SNCG: variants seen among roughly 807,000 people sequenced by gnomAD.
SNCG encodes the protein synuclein gamma.
In SNCG, 13 loss-of-function variants were observed where a neutral mutation model predicts 16.0. The ratio of observed to expected loss-of-function variants is 0.81; its 90% CI spans 0.53 to 1.29. The LOEUF (loss-of-function observed/expected upper bound fraction) is 1.29, where lower values mean the gene tolerates loss of function less well. Among genes scored for constraint, SNCG ranks in the 50% most tolerant of loss-of-function variants. SNCG has a pLI of 0.00. For synonymous variants in SNCG, 66 were observed against 66.3 expected, an observed-to-expected ratio of 1.00 and a Z score of 0.02; for missense variants, 154 against 168.5, an observed-to-expected ratio of 0.91 and a Z score of 0.48.
chr10:86,960,094 AG>A lies in SNCG; in HGVS notation c.258del (p.Asn87ThrfsTer14), dbSNP rs1844314998. 6.2e-7 allele frequency: 1 copy of A among 1,612,998 alleles called. No individual in the cohort carries two copies. The highest frequency in any genetic ancestry group is 1.1e-5 in the South Asian group (1 of 90,976). ...TVATKTVEEA[E>X]NIAVTSGVVR... The stretch of plus-strand genomic sequence containing the variant: ...GCCACCAAGACCGTGGAGGAGGCGG[AG>A]AACATCGCGGTCACCTCCGGGGTGG... On this transcript the variant is annotated frameshift_variant, in exon 3 of 5. Coordinates refer to ENST00000372017, the MANE Select transcript of SNCG (RefSeq NM_003087.3). LOFTEE classifies it high-confidence loss of function.
rs367577549 is a variant in SNCG at position 86,962,588 on chromosome 10, C to A, written c.292-16C>A. The A allele has an allele frequency of 5.0e-6, 8 of 1,602,006 alleles. No homozygotes were observed. Among genetic ancestry groups the A allele is most frequent in the Non-Finnish European group, 6.8e-6 (8 of 1,171,212 alleles). ...CATTCTCCACATGGTCTCATGCCCC[C>A]TTTTGTCCCCTACAGGAGGACTTGA... On this transcript the variant is annotated splice_polypyrimidine_tract_variant and intron_variant, in intron 3 of 4. Coordinates refer to ENST00000372017, the MANE Select transcript of SNCG (RefSeq NM_003087.3).
upstream of SNCG, chr10:86,958,359 G>T: frequency 1.0e-6 from 1 of 985,432 alleles, no homozygotes; most frequent in Non-Finnish European, 1.2e-6. Context: ...GTAAATGAAT[G>T]AGGGACAGGT....
At chr10:86,957,385 C>T (rs200500870), upstream of SNCG, 12 of 1,613,038 alleles carry the variant, frequency 7.4e-6, no homozygotes, top group East Asian at 2.2e-5. Context: ...TACCGTCCTA[C>T]GGGGTCCTTG....
Position 86,963,230 on chromosome 10 carries a change from G to T in SNCG, c.*245G>T, listed in dbSNP as rs1844388418. On this transcript the variant is annotated 3_prime_UTR_variant, in exon 5 of 5. Transcript: ENST00000372017. ...GCTGCTGTGAATTTTTTTTTTAAAT[G>T]ATTCCAAATAAAACTTGAGCCCACT... 2.4e-6 allele frequency: 1 copy of T among 422,056 alleles called. No individual in the cohort carries two copies. The highest frequency in any genetic ancestry group is 4.1e-6 in the Non-Finnish European group (1 of 241,384). 26.1% of individuals were successfully genotyped at this position (422,056 alleles called of 1,614,324 possible). A position where few individuals can be genotyped will look rare whatever the true frequency, so the allele number is the denominator to read the frequency against.
At chr10:86,957,179 G>A (rs1844248824), upstream of SNCG, among the ~76,000 whole-genome samples, 1 of 152,338 alleles carries the variant, frequency 6.6e-6, no homozygotes, top group South Asian at 2.1e-4. Context: ...GCTCCGACAG[G>A]GAACTCCCTG....
intron 3 of SNCG, among the ~76,000 whole-genome samples, chr10:86,961,416 G>C (rs1464589358): frequency 6.6e-6 from 1 of 152,064 alleles, no homozygotes; most frequent in East Asian, 1.9e-4. Flanking sequence ...CCTGGTCTAT[G>C]TGAGCACCCA....
chr10:86,962,966 C>T lies in SNCG; in HGVS notation c.365C>T (p.Ala122Val). The change falls in exon 5 of 5, where the codon GCC becomes GTC. Residue 122 changes from alanine (A) to valine (V), a missense_variant and splice_region_variant. Transcript: ENST00000372017. ...TGTGCAGGTCATTCTCTCTCCCAGG[C>T]CCAGAGTGGGGGAGACTAGAGGGCT... is the stretch of plus-strand genomic sequence containing the variant. ...SKEKEEVAEE[A>V]QSGGD The T allele has an allele frequency of 6.2e-7, 1 of 1,603,204 alleles. No individual in the cohort carries two copies. Among genetic ancestry groups the T allele is most frequent in the Non-Finnish European group, 8.5e-7 (1 of 1,175,918 alleles).
rs779800178 is a variant in SNCG at position 86,962,661 on chromosome 10, G to C, written c.349G>C (p.Glu117Gln). The change falls in exon 4 of 5, where the codon GAA becomes CAA. Residue 117 changes from glutamate (E) to glutamine (Q), a missense_variant. Coordinates refer to ENST00000372017, the MANE Select transcript of SNCG (RefSeq NM_003087.3). ...QEGEASKEKE[E>Q]VAEEAQSGGD is the part of the protein sequence containing the mutation. Reference sequence around the variant, plus strand: ...GGGTGAGGCATCCAAAGAGAAAGAGGAAGTGGCAGAGGAGGTAGGAGCTGG... The same window carrying C: ...GGGTGAGGCATCCAAAGAGAAAGAGCAAGTGGCAGAGGAGGTAGGAGCTGG... The C allele has an allele frequency of 1.5e-5, 24 of 1,612,452 alleles. No homozygotes were observed. Among genetic ancestry groups the C allele is most frequent in the African/African-American group, 4.0e-5 (3 of 74,884 alleles).
rs541289650 is a variant in SNCG at position 86,962,996 on chromosome 10, G to A, written c.*11G>A. 28 of 1,602,324 alleles carry A rather than the reference G, an allele frequency of 1.7e-5. No homozygotes were observed. The highest frequency in any genetic ancestry group is 2.2e-5 in the Non-Finnish European group (26 of 1,175,416). On this transcript the variant is annotated 3_prime_UTR_variant, in exon 5 of 5. Coordinates refer to ENST00000372017, the MANE Select transcript of SNCG (RefSeq NM_003087.3). ...AGTGGGGGAGACTAGAGGGCTACAG[G>A]CCAGCGTGGATGACCTGAAGAGCGC... is the stretch of plus-strand genomic sequence containing the variant.
chr10:86,957,547 T>C, upstream of SNCG: 2 of 1,604,510 alleles, frequency 1.2e-6, no homozygotes, highest in Non-Finnish European at 1.7e-6. Flanking sequence ...ATCATCTTGG[T>C]GGTGGGGCAG....
upstream of SNCG, chr10:86,957,691 G>A: frequency 7.5e-7 from 1 of 1,328,680 alleles, no homozygotes; most frequent in Middle Eastern, 2.5e-4. Flanking sequence ...CCTACCCGGT[G>A]GGTCTTGTCC....
chr10:86,957,518 G>A (rs927109567), upstream of SNCG: 23 of 1,612,076 alleles, frequency 1.4e-5, no homozygotes, highest in Non-Finnish European at 1.9e-5. Flanking sequence ...GGCCCCCAAG[G>A]CTGAACAGCA....
rs1033064454 is a variant in SNCG at position 86,959,227 on chromosome 10, G to A, written c.122-406G>A. The A allele has an allele frequency of 5.7e-6, 2 of 348,932 alleles. No individual in the cohort carries two copies. The highest frequency in any genetic ancestry group is 4.3e-5 in the African/African-American group (2 of 46,828). 21.6% of individuals were successfully genotyped at this position (348,932 alleles called of 1,614,324 possible). ...CTCCCCAGAGAGAAGGGGCAGGCTG[G>A]GGGATGAAACCTAGGCTCAGTGTTC... is the stretch of plus-strand genomic sequence containing the variant. On this transcript the variant is annotated intron_variant, in intron 1 of 4. Transcript: ENST00000372017. This position sits in a 1 kb window ranked among gnomAD's most constrained non-coding sequence, Gnocchi z 4.3.
chr10:86,955,939 C>T (rs1249605145), upstream of SNCG, among the ~76,000 whole-genome samples: 1 of 152,178 alleles, frequency 6.6e-6, no homozygotes, highest in Non-Finnish European at 1.5e-5. Context: ...CCCAAACCCT[C>T]ACTCCTTGGG....
upstream of SNCG, chr10:86,957,681 C>CCTACCCGGT (rs1327462890): frequency 1.9e-5 from 26 of 1,349,484 alleles, no homozygotes; most frequent in Non-Finnish European, 2.5e-5. Flanking sequence ...CCTGGGCCGG[C>CCTACCCGGT]CTACCCGGTG....
In SNCG at chr10:86,958,605, C is replaced by G; in HGVS notation, c.-93C>G. On this transcript the variant is annotated 5_prime_UTR_variant, in exon 1 of 5. Coordinates refer to ENST00000372017, the MANE Select transcript of SNCG (RefSeq NM_003087.3). ...GTCAATAGGAGGCATCGGGGACAGC[C>G]GCTGCGGCAGCACTCGAGCCAGCTC... The G allele has an allele frequency of 6.3e-7, 1 of 1,581,692 alleles. No individual in the cohort carries two copies. Among genetic ancestry groups the G allele is most frequent in the Non-Finnish European group, 8.6e-7 (1 of 1,166,274 alleles).
At position 86,958,812 on chromosome 10, in the gene SNCG, T is replaced by C. The variant is rs747921799; in HGVS notation, c.115T>C (p.Tyr39His). 1.5e-5 allele frequency: 24 copies of C among 1,606,726 alleles called. No individual in the cohort carries two copies. The highest frequency in any genetic ancestry group is 1.8e-5 in the Non-Finnish European group (21 of 1,176,268). ...TGAGAAGACCAAGGAGGGGGTCATGTATGTGGGTAAGTGGGGCATGGCAGG... is the reference window on the plus strand; with the variant it reads ...TGAGAAGACCAAGGAGGGGGTCATGCATGTGGGTAAGTGGGGCATGGCAGG... ...AAEKTKEGVM[Y>H]VGAKTKENVV... The change falls in exon 1 of 5, where the codon TAT (tyrosine) becomes CAT (histidine). Residue 39 changes from tyrosine (Y) to histidine (H), a missense_variant. Coordinates refer to ENST00000372017, the MANE Select transcript of SNCG (RefSeq NM_003087.3).
chr10:86,956,390 C>T, upstream of SNCG, among the ~76,000 whole-genome samples: 1 of 152,218 alleles, frequency 6.6e-6, no homozygotes, highest in South Asian at 2.1e-4. Context: ...GGCAGGTCCG[C>T]TCTGCGATGG....
chr10:86,961,460 C>G (rs1199753347), intron 3 of SNCG, among the ~76,000 whole-genome samples: 1 of 152,050 alleles, frequency 6.6e-6, no homozygotes, highest in Admixed American at 6.6e-5. Flanking sequence ...TCATCATCAT[C>G]ATGTGTCCCA....
Sources: gnomAD v4.1 joint callset for allele counts (sites outside exome capture counted in the v4.1 genomes callset) on GRCh38, gnomAD v4.1.1 for gene constraint, Gnocchi (gnomAD v3.1) non-coding constraint, MANE v1.5 for transcripts, NCBI Gene and HGNC (gene_info 2026-07-23, HGNC 2026-07-21) for gene names.